The following ST8SIA5 variants were observed in gnomAD, a reference collection of about 807,000 sequenced individuals.
The protein encoded by ST8SIA5 is alpha-2,8-sialyltransferase 8E.
Under a neutral mutation model 40.2 loss-of-function variants are expected in ST8SIA5, and 24 were observed. That is an observed-to-expected ratio of 0.60 (90% CI 0.43 to 0.84). ST8SIA5 has a LOEUF of 0.84. ST8SIA5 is among the 40% of genes least tolerant of loss of function. The probability of loss-of-function intolerance (pLI) is 0.00; values close to 1 mark genes in which losing one functional copy is unlikely to be tolerated. For synonymous variants in ST8SIA5, 198 were observed against 201.8 expected (o/e 0.98, Z 0.16); for missense variants, 465 against 498.5 (o/e 0.93, Z 0.64).
intron 1 of ST8SIA5, among the ~76,000 whole-genome samples, chr18:46,749,632 C>A (rs2040176534): frequency 6.6e-6 from 1 of 152,144 alleles, no homozygotes; most frequent in African/African-American, 2.4e-5. Flanking sequence ...AAATTTATTT[C>A]TATATGCCAG....
chr18:46,684,611 T>C (rs543012047), intron 5 of ST8SIA5, among the ~76,000 whole-genome samples: 1 of 152,300 alleles, frequency 6.6e-6, no homozygotes, highest in Admixed American at 6.5e-5. Context: ...ACAGAACCAC[T>C]ATACGCTCCA....
chr18:46,732,281 A>G (rs1380248177), intron 1 of ST8SIA5, among the ~76,000 whole-genome samples: 3 of 152,312 alleles, frequency 2.0e-5, no homozygotes, highest in Non-Finnish European at 2.9e-5. Flanking sequence ...GGAAACAGGC[A>G]TAGAGTGGGA....
At chr18:46,693,887 C>T (rs1899368842) in intron 2 of ST8SIA5, among the ~76,000 whole-genome samples, 1 of 152,220 alleles carries the variant, frequency 6.6e-6, no homozygotes, top group Non-Finnish European at 1.5e-5. Context: ...GCTTTAGCAT[C>T]TCCATTACCT....
chr18:46,726,223 T>TA (rs1227259746), intron 1 of ST8SIA5, among the ~76,000 whole-genome samples: 1 of 150,720 alleles, frequency 6.6e-6, no homozygotes, highest in Admixed American at 6.6e-5. Flanking sequence ...AATAAATTTG[T>TA]AAAAAAATTT....
intron 3 of ST8SIA5, among the ~76,000 whole-genome samples, chr18:46,689,716 GGCA>G (rs1435422046): frequency 6.6e-6 from 1 of 151,174 alleles, no homozygotes; most frequent in East Asian, 1.9e-4. Flanking sequence ...TGGGATTACA[GGCA>G]AGCACCACCA....
rs527951781 is a variant in ST8SIA5, at chr18:46,692,867, C to A, written c.225-612G>T. On this transcript the variant is annotated intron_variant, in intron 2 of 6. Coordinates refer to ENST00000315087, the MANE Select transcript of ST8SIA5 (RefSeq NM_013305.6). ...CACTGACAGGCCACCATCCCCTCCC[C>A]ACCCCCCACCCTAATCATCCCAGGG... Among the ~76,000 whole-genome samples, 403 of 122,124 alleles carry A rather than the reference C, an allele frequency of 3.3e-3. 1 individual carries two copies. The highest frequency in any genetic ancestry group is 5.3e-3 in the Non-Finnish European group (315 of 59,806). The allele number at this position is 122,124 out of a possible 152,430, so 80.1% of individuals were successfully genotyped here. A position where few individuals can be genotyped will look rare whatever the true frequency, so the allele number is the denominator to read the frequency against.
Position 46,677,071 on chromosome 18 carries a change from G to C in ST8SIA5, c.*2971C>G, listed in dbSNP as rs1408276910. On this transcript the variant is annotated 3_prime_UTR_variant, in exon 7 of 7. Transcript: ENST00000315087. ...CTCAGTTCCCCTCCAGTGCCACTGT[G>C]GGTAAGTCGCTACTGCTGTAGGCGG... The C allele has an allele frequency of 6.6e-6, 1 of 152,206 alleles. No individual in the cohort carries two copies. Among genetic ancestry groups the C allele is most frequent in the East Asian group, 1.9e-4 (1 of 5,202 alleles). The allele number at this position is 152,206 out of a possible 1,614,324, so 9.4% of individuals were successfully genotyped here. A position where few individuals can be genotyped will look rare whatever the true frequency, so the allele number is the denominator to read the frequency against.
rs572189317 is a variant in ST8SIA5 at position 46,671,949 on chromosome 18, A to C, written c.*8093T>G. The stretch of plus-strand genomic sequence containing the variant: ...CAGTCCCTGGACCAGCATTGGCATC[A>C]CCTGGGAACTTGTTAGAGATGCTCC... On this transcript the variant is annotated 3_prime_UTR_variant, in exon 7 of 7. Transcript: ENST00000315087. The C allele has an allele frequency of 1.9e-4, 29 of 152,294 alleles. No homozygotes were observed. Among genetic ancestry groups the C allele is most frequent in the African/African-American group, 6.7e-4 (28 of 41,558 alleles). The allele number at this position is 152,294 out of a possible 1,614,324, so 9.4% of individuals were successfully genotyped here. A position where few individuals can be genotyped will look rare whatever the true frequency, so the allele number is the denominator to read the frequency against.
rs568275236 is a variant in ST8SIA5 at position 46,680,996 on chromosome 18, C to T, written c.663-486G>A. On this transcript the variant is annotated intron_variant, in intron 6 of 6. Transcript: ENST00000315087. ...TAGTGTGTTGTTATTTTTAGAGACACGGTCTTGCTCTGTCATCCAGGCTGG... is the reference window on the plus strand; with the variant it reads ...TAGTGTGTTGTTATTTTTAGAGACATGGTCTTGCTCTGTCATCCAGGCTGG... 2.8e-4 allele frequency among the ~76,000 whole-genome samples: 39 copies of T among 141,370 alleles called. No homozygotes were observed. In the South Asian group the frequency reaches 7.4e-3, roughly 27 times the overall value. The allele number at this position is 141,370 out of a possible 152,430, so 92.7% of individuals were successfully genotyped here. A position where few individuals can be genotyped will look rare whatever the true frequency, so the allele number is the denominator to read the frequency against.
At chr18:46,729,335 T>C (rs1426141768) in intron 1 of ST8SIA5, among the ~76,000 whole-genome samples, 1 of 151,804 alleles carries the variant, frequency 6.6e-6, no homozygotes. Flanking sequence ...CCCCAAATTG[T>C]CTTTCTCAAA....
intron 1 of ST8SIA5, among the ~76,000 whole-genome samples, chr18:46,714,909 A>G (rs1326861387): frequency 2.6e-5 from 4 of 152,138 alleles, no homozygotes; most frequent in African/African-American, 7.2e-5. Flanking sequence ...AAAGCCATAA[A>G]GCTTTGGGTT....
At chr18:46,737,023 G>A (rs1164351809) in intron 1 of ST8SIA5, among the ~76,000 whole-genome samples, 1 of 152,202 alleles carries the variant, frequency 6.6e-6, no homozygotes, top group Non-Finnish European at 1.5e-5. Flanking sequence ...AGAGCTGGAA[G>A]AGAGGAAGCC....
chr18:46,683,502 G>C (rs780175692), intron 5 of ST8SIA5, among the ~76,000 whole-genome samples: 1 of 152,098 alleles, frequency 6.6e-6, no homozygotes, highest in Non-Finnish European at 1.5e-5. Flanking sequence ...CACAGGCAAG[G>C]TGGGAGTGGT....
intron 1 of ST8SIA5, among the ~76,000 whole-genome samples, chr18:46,733,368 T>A (rs1043293374): frequency 1.3e-5 from 2 of 152,196 alleles, no homozygotes; most frequent in Non-Finnish European, 2.9e-5. Flanking sequence ...CTTTTCCCAT[T>A]CATTCTATTT....
intron 1 of ST8SIA5, among the ~76,000 whole-genome samples, chr18:46,722,080 C>T (rs2039869509): frequency 6.6e-6 from 1 of 152,166 alleles, no homozygotes; most frequent in Non-Finnish European, 1.5e-5. Context: ...TGGACCTCCA[C>T]CAGACAGTGG....
intron 1 of ST8SIA5, among the ~76,000 whole-genome samples, chr18:46,749,697 C>T (rs562794530): frequency 6.6e-6 from 1 of 152,142 alleles, no homozygotes; most frequent in Non-Finnish European, 1.5e-5. Flanking sequence ...CGATAATAAA[C>T]ATTTTACATA....
chr18:46,737,586 AT>A (rs2040047507), intron 1 of ST8SIA5, among the ~76,000 whole-genome samples: 1 of 152,202 alleles, frequency 6.6e-6, no homozygotes, highest in South Asian at 2.1e-4. Flanking sequence ...TGAATAAAGC[AT>A]CTCTTACAAG....
At chr18:46,725,037 AAGGAAGGAAGGAAAAG>A (rs2039901959) in intron 1 of ST8SIA5, among the ~76,000 whole-genome samples, 1 of 145,762 alleles carries the variant, frequency 6.9e-6, no homozygotes, top group African/African-American at 2.7e-5. Context: ...GGAAGGAAGG[AAGGAAGGAAGGAAAAG>A]AGAGAAAGAA....
At chr18:46,750,029 G>A (rs57996794) in intron 1 of ST8SIA5, among the ~76,000 whole-genome samples, 21,467 of 152,102 alleles carry the variant, frequency 0.14, 1,738 homozygotes, top group African/African-American at 0.19. Flanking sequence ...TCTTGAGCAG[G>A]AGAAACAAAC....
Sources: allele counts gnomAD v4.1 joint callset (sites outside exome capture counted in the v4.1 genomes callset), GRCh38; gene constraint gnomAD v4.1.1; transcripts MANE v1.5; gene names NCBI Gene and HGNC (gene_info 2026-07-23, HGNC 2026-07-21).